Variants in MICU3 observed in about 807,000 individuals in gnomAD.
MICU3 encodes the protein calcium uptake protein 3, mitochondrial.
MICU3 carries 62 observed loss-of-function variants against 66.5 expected under a neutral mutation model. That is an observed-to-expected ratio of 0.93 (90% CI 0.76 to 1.15). The LOEUF (loss-of-function observed/expected upper bound fraction) is 1.15. Ranked by LOEUF, MICU3 falls within the 50% of genes most tolerant of loss-of-function variation. MICU3 has a pLI of 0.00. For missense variants in MICU3, 779 were observed against 664.4 expected (o/e 1.17, Z -1.90); for synonymous variants, 308 against 240.7 (o/e 1.28, Z -2.59).
At chr8:17,062,125 A>C (rs895404936) in intron 1 of MICU3, among the ~76,000 whole-genome samples, 1 of 152,082 alleles carries the variant, frequency 6.6e-6, no homozygotes, top group Non-Finnish European at 1.5e-5. Flanking sequence ...CTTTTACTAC[A>C]CTTCTCCATG....
At chr8:17,057,048 GTTAGTA>G (rs1817055304) in intron 1 of MICU3, among the ~76,000 whole-genome samples, 1 of 152,220 alleles carries the variant, frequency 6.6e-6, no homozygotes, top group Admixed American at 6.5e-5. Flanking sequence ...TAAGAGTTTG[GTTAGTA>G]TTAGCTTAGT....
Position 17,038,873 on chromosome 8 carries a change from A to G in MICU3, c.381+11213A>G, listed in dbSNP as rs1813525193. Among the ~76,000 whole-genome samples, 3 of 151,988 alleles carry G rather than the reference A, an allele frequency of 2.0e-5. No homozygotes were observed. The East Asian group carries it at 5.8e-4, about 29-fold the overall frequency. On this transcript the variant is annotated intron_variant, in intron 1 of 14. Coordinates refer to ENST00000318063, the MANE Select transcript of MICU3 (RefSeq NM_181723.3). The stretch of plus-strand genomic sequence containing the variant: ...GAGGCTGAGGCAGGAGAATGGCTTG[A>G]ACCTGGGAGGTGGAGCTTGCAGTGA...
chr8:17,060,296 CT>C (rs11345470), intron 1 of MICU3, among the ~76,000 whole-genome samples: 55,684 of 145,478 alleles, frequency 0.38, 11,154 homozygotes, highest in African/African-American at 0.54. Flanking sequence ...AAACTGTTTA[CT>C]TTTTTTTTTT....
At chr8:17,106,400 A>G (rs573721216) in intron 11 of MICU3, among the ~76,000 whole-genome samples, 1 of 152,096 alleles carries the variant, frequency 6.6e-6, no homozygotes, top group South Asian at 2.1e-4. Flanking sequence ...ATATCTCCAA[A>G]TTAGAGTACT....
intron 11 of MICU3, among the ~76,000 whole-genome samples, chr8:17,108,628 C>G (rs1047098884): frequency 6.6e-6 from 1 of 152,126 alleles, no homozygotes; most frequent in Non-Finnish European, 1.5e-5. Flanking sequence ...TTAACCACTC[C>G]TAGCCACCTC....
At chr8:17,066,389 C>T (rs1422003176) in intron 2 of MICU3, among the ~76,000 whole-genome samples, 3 of 151,326 alleles carry the variant, frequency 2.0e-5, no homozygotes, top group Non-Finnish European at 4.4e-5. Context: ...TTACCTGGCA[C>T]ATGATAGGTA....
intron 12 of MICU3, 27 bp downstream of exon 12, chr8:17,114,228 A>T: frequency 7.1e-7 from 1 of 1,402,354 alleles, no homozygotes. Flanking sequence ...AAAAATTAAA[A>T]GCAAGAAGTA....
At chr8:17,108,257 G>A (rs940473964) in intron 11 of MICU3, among the ~76,000 whole-genome samples, 1 of 152,068 alleles carries the variant, frequency 6.6e-6, no homozygotes, top group African/African-American at 2.4e-5. Flanking sequence ...AATTAAGCAG[G>A]CAAGTTGGAT....
the MICU3 span, among the ~76,000 whole-genome samples, chr8:17,133,397 A>T: frequency 2.6e-5 from 4 of 152,230 alleles, no homozygotes; most frequent in South Asian, 6.2e-4. Context: ...ATATTTTTTT[A>T]AATCTGTTCA....
At chr8:17,079,991 A>T (rs1820937709) in intron 4 of MICU3, among the ~76,000 whole-genome samples, 1 of 152,048 alleles carries the variant, frequency 6.6e-6, no homozygotes, top group Admixed American at 6.6e-5. Context: ...TTCCCTTAAA[A>T]TTTGTTTTGA....
At chr8:17,081,823 C>T in intron 5 of MICU3, 83 bp downstream of exon 5, 1 of 666,462 alleles carries the variant, frequency 1.5e-6, no homozygotes, top group Non-Finnish European at 2.6e-6. Context: ...GGTTCTCTTA[C>T]TCTTGAAAAT....
chr8:17,049,340 G>C (rs888903254), intron 1 of MICU3, among the ~76,000 whole-genome samples: 3 of 152,090 alleles, frequency 2.0e-5, no homozygotes, highest in African/African-American at 7.2e-5. Context: ...GTGCCACAGA[G>C]GTTCTAGATA....
At chr8:17,043,099 C>G (rs987867334) in intron 1 of MICU3, among the ~76,000 whole-genome samples, 1 of 151,504 alleles carries the variant, frequency 6.6e-6, no homozygotes, top group African/African-American at 2.4e-5. Flanking sequence ...ACCACCACGC[C>G]CGGCTAATTT....
intron 8 of MICU3, among the ~76,000 whole-genome samples, chr8:17,096,203 T>C (rs1245132660): frequency 6.6e-6 from 1 of 151,934 alleles, no homozygotes; most frequent in African/African-American, 2.4e-5. Context: ...TTCACAGCCA[T>C]CAAAGTGTCC....
At chr8:17,127,873 C>CAAAA in the MICU3 span, among the ~76,000 whole-genome samples, 1 of 151,492 alleles carries the variant, frequency 6.6e-6, no homozygotes, top group Non-Finnish European at 1.5e-5. Context: ...AAACAAAAAA[C>CAAAA]AAAAAAGGGG....
chr8:17,049,821 T>TA lies in MICU3; in HGVS notation c.382-14257dup, dbSNP rs1815757106. ...TAATAATATATGTCTGCTTGCCTTT[T>TA]AAAAAATAATACTCCATTCCAAAAT... On this transcript the variant is annotated intron_variant, in intron 1 of 14. Transcript: ENST00000318063. Among the ~76,000 whole-genome samples the TA allele has an allele frequency of 7.9e-5, 12 of 152,338 alleles. No individual in the cohort carries two copies. In the South Asian group the frequency reaches 2.5e-3, roughly 32 times the overall value.
chr8:17,064,873 G>C (rs1030358617), intron 2 of MICU3, among the ~76,000 whole-genome samples: 1 of 152,014 alleles, frequency 6.6e-6, no homozygotes, highest in African/African-American at 2.4e-5. Context: ...GATTATTATA[G>C]GTACTCTCCT....
intron 7 of MICU3, among the ~76,000 whole-genome samples, chr8:17,088,411 G>A (rs775726578): frequency 2.6e-5 from 4 of 151,948 alleles, no homozygotes; most frequent in Non-Finnish European, 5.9e-5. Flanking sequence ...AAGAAGACTA[G>A]AGAATTGAAT....
chr8:17,116,488 C>T lies in MICU3; in HGVS notation c.1412C>T (p.Ser471Leu), dbSNP rs868734350. Reference protein sequence around the residue: ...AVYVATGLKFSPHLVNTVFKI... With the variant: ...AVYVATGLKFLPHLVNTVFKI... The stretch of plus-strand genomic sequence containing the variant: ...TATGTAGCTACTGGACTCAAATTTT[C>T]ACCACATTTAGTGAACACTGTCTTC... Residue 471 changes from serine (S) to leucine (L), a missense_variant, in exon 13 of 15, where the codon TCA (serine) becomes TTA (leucine). Ser to Leu is a moderately radical substitution (Grantham distance 145, BLOSUM62 -2). Transcript: ENST00000318063. 6.5e-7 allele frequency: 1 copy of T among 1,544,580 alleles called. No homozygotes were observed. Among genetic ancestry groups the T allele is most frequent in the African/African-American group, 1.4e-5 (1 of 70,956 alleles).
Sources: allele counts gnomAD v4.1 joint callset (sites outside exome capture counted in the v4.1 genomes callset), GRCh38; gene constraint gnomAD v4.1.1; transcripts MANE v1.5; gene names NCBI Gene and HGNC (gene_info 2026-07-23, HGNC 2026-07-21).